The following MALRD1 variants were observed in gnomAD, a reference collection of about 807,000 sequenced individuals.
MALRD1 encodes MAM and LDL receptor class A domain containing 1, also known as MAM and LDL-receptor class A domain-containing protein 1.
Under a neutral mutation model 242.1 loss-of-function variants are expected in MALRD1, and 247 were observed. The observed-to-expected ratio is 1.02, with a 90% CI of 0.92 to 1.13. The LOEUF (loss-of-function observed/expected upper bound fraction) is 1.13, where lower values mean the gene tolerates loss of function less well. MALRD1 is among the 50% of genes most tolerant of loss of function. The pLI is 0.00. For missense variants in MALRD1, 2,989 were observed against 2,533.1 expected (o/e 1.18, Z -3.86); for synonymous variants, 995 against 866.6 (o/e 1.15, Z -2.60).
intron 13 of MALRD1, among the ~76,000 whole-genome samples, chr10:19,173,146 C>G (rs1276619891): frequency 2.6e-5 from 4 of 151,956 alleles, no homozygotes; most frequent in Non-Finnish European, 5.9e-5. Context: ...AGTCCATTTT[C>G]TATTTACTTA....
intron 31 of MALRD1, among the ~76,000 whole-genome samples, chr10:19,502,834 GTA>G (rs1838037347): frequency 6.6e-6 from 1 of 152,088 alleles, no homozygotes; most frequent in African/African-American, 2.4e-5. Flanking sequence ...CAAGATTAAA[GTA>G]TAGTCAATAG....
chr10:19,611,244 G>C (rs1388338415), intron 35 of MALRD1, among the ~76,000 whole-genome samples: 1 of 151,882 alleles, frequency 6.6e-6, no homozygotes, highest in Non-Finnish European at 1.5e-5. Context: ...TTAAATGACT[G>C]AGCCAGGTAT....
rs1379895702 is a variant in MALRD1 at position 19,389,545 on chromosome 10, G to T, written c.4781G>T (p.Cys1594Phe). Reference protein sequence around the residue: ...STMWRESSAACTMSFWYFVSA... With the variant: ...STMWRESSAAFTMSFWYFVSA... ...ATGTGGCGAGAATCCAGTGCAGCCT[G>T]CACCATGAGCTTCTGGTATTTCGTA... is the stretch of plus-strand genomic sequence containing the variant. The change falls in exon 28 of 40, where the codon TGC becomes TTC. Residue 1594 changes from cysteine (C) to phenylalanine (F), a missense_variant. Transcript: ENST00000454679. 6.4e-7 allele frequency: 1 copy of T among 1,550,704 alleles called. No individual in the cohort carries two copies. Among genetic ancestry groups the T allele is most frequent in the South Asian group, 1.2e-5 (1 of 84,064 alleles).
chr10:19,587,386 A>C (rs1396013981), intron 33 of MALRD1, among the ~76,000 whole-genome samples: 2 of 152,250 alleles, frequency 1.3e-5, no homozygotes, highest in African/African-American at 4.8e-5. Flanking sequence ...GTTTGGCAAC[A>C]ACATAATTTC....
intron 31 of MALRD1, among the ~76,000 whole-genome samples, chr10:19,517,304 T>C (rs1399376600): frequency 6.6e-6 from 1 of 152,142 alleles, no homozygotes; most frequent in African/African-American, 2.4e-5. Flanking sequence ...AGTGCATTCA[T>C]CAGATGGCTG....
At chr10:19,082,619 A>C (rs575318365) in intron 2 of MALRD1, among the ~76,000 whole-genome samples, 1 of 151,140 alleles carries the variant, frequency 6.6e-6, no homozygotes, top group East Asian at 2.0e-4. Flanking sequence ...TTCTCTCTGC[A>C]TGGGAGATAT....
intron 18 of MALRD1, among the ~76,000 whole-genome samples, chr10:19,215,216 T>G (rs1837255384): frequency 6.6e-6 from 1 of 152,184 alleles, no homozygotes; most frequent in Non-Finnish European, 1.5e-5. Flanking sequence ...CTTTAAAATT[T>G]CCATTGAGAG....
chr10:19,125,530 C>CTTTT (rs144620475), intron 7 of MALRD1, among the ~76,000 whole-genome samples: 8,350 of 145,820 alleles, frequency 0.057, 273 homozygotes, highest in South Asian at 0.13. Flanking sequence ...ATTCTTTTTG[C>CTTTT]TTTTTTTTCT....
At chr10:19,413,057 T>A (rs545312052) in intron 28 of MALRD1, among the ~76,000 whole-genome samples, 2 of 152,288 alleles carry the variant, frequency 1.3e-5, no homozygotes, top group East Asian at 3.9e-4. Flanking sequence ...AAATAATAGT[T>A]AACATCAATT....
chr10:19,425,260 G>C (rs887611889), intron 28 of MALRD1, among the ~76,000 whole-genome samples: 1 of 151,994 alleles, frequency 6.6e-6, no homozygotes, highest in Non-Finnish European at 1.5e-5. Context: ...TAGAGTTTTG[G>C]CTATTGCTTT....
intron 14 of MALRD1, among the ~76,000 whole-genome samples, chr10:19,192,026 TAAATA>T (rs1835997276): frequency 6.7e-6 from 1 of 149,946 alleles, no homozygotes; most frequent in African/African-American, 2.5e-5. Flanking sequence ...TAAATGAAAA[TAAATA>T]AAATAAAAAA....
At chr10:19,499,095 G>A (rs1837850907) in intron 31 of MALRD1, among the ~76,000 whole-genome samples, 1 of 152,146 alleles carries the variant, frequency 6.6e-6, no homozygotes, top group Admixed American at 6.5e-5. Context: ...GTGTAAAATG[G>A]TAAGTGGTGA....
At chr10:19,218,212 A>G (rs1837407154) in intron 18 of MALRD1, among the ~76,000 whole-genome samples, 1 of 152,066 alleles carries the variant, frequency 6.6e-6, no homozygotes, top group African/African-American at 2.4e-5. Context: ...GTTTTGGCTT[A>G]TTGTTCACAT....
At position 19,692,373 on chromosome 10, in the gene MALRD1, T is replaced by C. The variant is rs1364840025; in HGVS notation, c.6217+12T>C. On this transcript the variant is annotated intron_variant, in intron 37 of 39. Transcript: ENST00000454679. ...ATACGCTCAGAATAGTAGGTGACAT[T>C]ATGACTAAATAAATGGCTTGGTTTG... 4 of 1,533,772 alleles carry C rather than the reference T, an allele frequency of 2.6e-6. No individual in the cohort carries two copies. The highest frequency in any genetic ancestry group is 3.5e-6 in the Non-Finnish European group (4 of 1,145,236).
At chr10:19,382,237 A>G (rs968133294) in intron 26 of MALRD1, among the ~76,000 whole-genome samples, 1 of 152,140 alleles carries the variant, frequency 6.6e-6, no homozygotes, top group Admixed American at 6.5e-5. Flanking sequence ...TTTCCTGAAT[A>G]CCTGTAAAAA....
At chr10:19,363,449 G>A (rs1385226515) in intron 26 of MALRD1, among the ~76,000 whole-genome samples, 2 of 152,082 alleles carry the variant, frequency 1.3e-5, no homozygotes, top group Non-Finnish European at 2.9e-5. Flanking sequence ...GTTGCTGCTG[G>A]GTTAAACAAA....
intron 29 of MALRD1, among the ~76,000 whole-genome samples, chr10:19,452,163 G>C (rs1835364495): frequency 6.6e-6 from 1 of 152,158 alleles, no homozygotes; most frequent in Non-Finnish European, 1.5e-5. Flanking sequence ...TAGAAAGAAA[G>C]CTTTATTCAA....
intron 11 of MALRD1, among the ~76,000 whole-genome samples, chr10:19,147,411 T>C (rs1833761525): frequency 6.6e-6 from 1 of 152,228 alleles, no homozygotes; most frequent in Non-Finnish European, 1.5e-5. Context: ...AACAGTGTGG[T>C]AAGTTCTTAA....
intron 2 of MALRD1, among the ~76,000 whole-genome samples, chr10:19,081,293 T>A (rs1023175517): frequency 6.6e-6 from 1 of 152,124 alleles, no homozygotes; most frequent in African/African-American, 2.4e-5. Context: ...TAAACGATTC[T>A]ATTATAAAGA....
Sources: allele counts gnomAD v4.1 joint callset (sites outside exome capture counted in the v4.1 genomes callset), GRCh38; gene constraint gnomAD v4.1.1; transcripts MANE v1.5; gene names NCBI Gene and HGNC (gene_info 2026-07-23, HGNC 2026-07-21).